Variants in ZFAND5 observed in about 807,000 individuals in gnomAD.
ZFAND5 encodes zinc finger AN1-type containing 5.
ZFAND5 carries 4 observed loss-of-function variants against 23.6 expected under a neutral mutation model. The observed-to-expected ratio is 0.17, with a 90% CI of 0.08 to 0.39. The LOEUF is 0.39. Ranked by LOEUF, ZFAND5 falls within the 10% of genes least tolerant of loss-of-function variation. The pLI, the probability that ZFAND5 is intolerant of heterozygous loss-of-function variation, is 1.00. For missense variants in ZFAND5, 161 were observed against 253.7 expected, an observed-to-expected ratio of 0.63 and a Z score of 2.48; for synonymous variants, 68 against 80.6, an observed-to-expected ratio of 0.84 and a Z score of 0.84.
chr9:72,365,149 C>A lies in ZFAND5; in HGVS notation c.-600G>T, dbSNP rs1842229708. 1 of 152,218 alleles carries A rather than the reference C, an allele frequency of 6.6e-6. No homozygotes were observed. The highest frequency in any genetic ancestry group is 2.4e-5 in the African/African-American group (1 of 41,458). The allele number at this position is 152,218 out of a possible 1,614,324, so 9.4% of individuals were successfully genotyped here. A position where few individuals can be genotyped will look rare whatever the true frequency, so the allele number is the denominator to read the frequency against. On this transcript the variant is annotated 5_prime_UTR_variant, in exon 1 of 7. Transcript: ENST00000376962. ...CCACCGCCGGGGAAGCTGCGCGGCT[C>A]CCGGGAGCGAGCGAGCCCGCGTAGG... is the stretch of plus-strand genomic sequence containing the variant.
chr9:72,360,729 C>T lies in ZFAND5; in HGVS notation c.50G>A (p.Gly17Glu), dbSNP rs377470484. Reference protein sequence around the residue: ...QTPGPMLCSTGCGFYGNPRTN... With the variant: ...QTPGPMLCSTECGFYGNPRTN... ...CCTAGGATTTCCATAAAAGCCACAT[C>T]CTGTGCTACACAGCATGGGCCCCGG... Residue 17 changes from glycine (G) to glutamate (E), a missense_variant, in exon 3 of 7, where the codon GGA (glycine) becomes GAA (glutamate). Coordinates refer to ENST00000376962, the MANE Select transcript of ZFAND5 (RefSeq NM_001102420.3). 6.2e-7 allele frequency: 1 copy of T among 1,613,946 alleles called. No individual in the cohort carries two copies. Among genetic ancestry groups the T allele is most frequent in the African/African-American group, 1.3e-5 (1 of 74,916 alleles).
chr9:72,359,745 A>G (rs1842044732), intron 4 of ZFAND5, among the ~76,000 whole-genome samples: 2 of 152,180 alleles, frequency 1.3e-5, no homozygotes, highest in East Asian at 1.9e-4. Flanking sequence ...ATAGGTTACC[A>G]TATTTTACAA....
At chr9:72,362,061 T>TTTTATC (rs1380181132) in intron 2 of ZFAND5, among the ~76,000 whole-genome samples, 5 of 152,218 alleles carry the variant, frequency 3.3e-5, no homozygotes, top group Admixed American at 3.3e-4. Flanking sequence ...CCCCAAAACA[T>TTTTATC]TTTATCTTCC....
At chr9:72,359,578 T>G in intron 4 of ZFAND5, 57 bp from the exon 5 acceptor site, 1 of 1,449,314 alleles carries the variant, frequency 6.9e-7, no homozygotes, top group Non-Finnish European at 9.5e-7. Flanking sequence ...CTTGAGACAA[T>G]GAATAAGTTG....
chr9:72,362,251 C>G (rs1042337670), intron 2 of ZFAND5, among the ~76,000 whole-genome samples: 2 of 152,166 alleles, frequency 1.3e-5, no homozygotes, highest in African/African-American at 4.8e-5. Context: ...TTCAACATCA[C>G]TTAGGAAGTT....
Position 72,356,346 on chromosome 9 carries a change from C to T in ZFAND5, c.494-245G>A, listed in dbSNP as rs117807235. ...AGAAATTCAAATAACTATGTTCAGT[C>T]TTTCCTTGCAAGGGCAATAGCGAAG... On this transcript the variant is annotated intron_variant, in intron 6 of 6. Transcript: ENST00000376962. 9.0e-3 allele frequency among the ~76,000 whole-genome samples: 1,367 copies of T among 152,290 alleles called. 18 individuals are homozygous for T. The highest frequency in any genetic ancestry group is 0.02 in the Middle Eastern group (6 of 294).
chr9:72,356,123 G>C (rs766223037), intron 6 of ZFAND5, 22 bp from the exon 7 acceptor site: 5 of 1,591,430 alleles, frequency 3.1e-6, no homozygotes, highest in Non-Finnish European at 4.3e-6. Flanking sequence ...AAGAAGTAGA[G>C]TCATTTGAGA....
In ZFAND5 at chr9:72,356,469, C is replaced by T. The variant is rs75963174; in HGVS notation, c.494-368G>A. Among the ~76,000 whole-genome samples the T allele has an allele frequency of 8.4e-3, 1,286 of 152,244 alleles. 19 individuals carry two copies. The highest frequency in any genetic ancestry group is 0.03 in the African/African-American group (1,233 of 41,542). ...CCTCTATCGACTCCTGTAGATGCAA[C>T]GCAGGATAAAATTTACACAGGCTCT... On this transcript the variant is annotated intron_variant, in intron 6 of 6. Coordinates refer to ENST00000376962, the MANE Select transcript of ZFAND5 (RefSeq NM_001102420.3).
chr9:72,357,877 T>C (rs1474890204), intron 5 of ZFAND5, among the ~76,000 whole-genome samples: 1 of 152,092 alleles, frequency 6.6e-6, no homozygotes, highest in Non-Finnish European at 1.5e-5. Context: ...TTTCTCACAA[T>C]GAACAAAAAA....
chr9:72,358,439 C>G (rs1464674478), intron 5 of ZFAND5, among the ~76,000 whole-genome samples: 1 of 152,048 alleles, frequency 6.6e-6, no homozygotes, highest in Non-Finnish European at 1.5e-5. Flanking sequence ...CACAGAATGC[C>G]TACTAAGTAA....
At chr9:72,364,467 T>A in intron 1 of ZFAND5, 1 of 1,279,062 alleles carries the variant, frequency 7.8e-7, no homozygotes, top group Non-Finnish European at 1.0e-6. Context: ...CCGACCGTGC[T>A]GTGGAGCGAG....
rs185394320 is a variant in ZFAND5 at position 72,353,930 on chromosome 9, G to T, written c.*2023C>A. The T allele has an allele frequency of 6.6e-6, 1 of 152,160 alleles. No individual in the cohort carries two copies. Among genetic ancestry groups the T allele is most frequent in the South Asian group, 2.1e-4 (1 of 4,820 alleles). The allele number at this position is 152,160 out of a possible 1,614,324, so 9.4% of individuals were successfully genotyped here. On this transcript the variant is annotated 3_prime_UTR_variant, in exon 7 of 7. Coordinates refer to ENST00000376962, the MANE Select transcript of ZFAND5 (RefSeq NM_001102420.3). ...CAAAGAACTGACAGATAAAACTAGG[G>T]TATTTCCACCCCAAACTCCATCACA...
At chr9:72,363,317 T>G (rs1310838255) in intron 2 of ZFAND5, among the ~76,000 whole-genome samples, 153 bp downstream of exon 2, 1 of 152,208 alleles carries the variant, frequency 6.6e-6, no homozygotes, top group Non-Finnish European at 1.5e-5. Flanking sequence ...TTTATAAAGT[T>G]TATGGCTTCC....
rs566433191 is a variant in ZFAND5, at chr9:72,353,866, A to C, written c.*2087T>G. ...TGTCAGTATAGGAACTTTGACATAC[A>C]TATGTACCTCCCTAACTTGAAGCAA... On this transcript the variant is annotated 3_prime_UTR_variant, in exon 7 of 7. Transcript: ENST00000376962. 5 of 152,208 alleles carry C rather than the reference A, an allele frequency of 3.3e-5. No homozygotes were observed. Among genetic ancestry groups the C allele is most frequent in the Non-Finnish European group, 7.3e-5 (5 of 68,046 alleles). 9.4% of individuals were successfully genotyped at this position (152,208 alleles called of 1,614,324 possible).
Position 72,353,488 on chromosome 9 carries a change from C to G in ZFAND5, c.*2465G>C, listed in dbSNP as rs546823461. On this transcript the variant is annotated 3_prime_UTR_variant, in exon 7 of 7. Transcript: ENST00000376962. ...GTCAGGAGTTCAAGACCAGCCTGAC[C>G]AACATGGAGAAACTGTCTCTATTAA... The G allele has an allele frequency of 1.3e-5, 2 of 152,200 alleles. No individual in the cohort carries two copies. Among genetic ancestry groups the G allele is most frequent in the African/African-American group, 4.8e-5 (2 of 41,442 alleles). The allele number at this position is 152,200 out of a possible 1,614,324, so 9.4% of individuals were successfully genotyped here.
intron 3 of ZFAND5, 113 bp downstream of exon 3, chr9:72,360,515 G>A: frequency 4.3e-6 from 6 of 1,402,576 alleles, no homozygotes; most frequent in Non-Finnish European, 4.9e-6. Context: ...TGAATTTCAA[G>A]CTCTTATCAG....
rs931717569 is a variant in ZFAND5, at chr9:72,353,749, T to C, written c.*2204A>G. 4.6e-5 allele frequency: 7 copies of C among 152,098 alleles called. No individual in the cohort carries two copies. Among genetic ancestry groups the C allele is most frequent in the Non-Finnish European group, 7.3e-5 (5 of 68,032 alleles). The allele number at this position is 152,098 out of a possible 1,614,324, so 9.4% of individuals were successfully genotyped here. On this transcript the variant is annotated 3_prime_UTR_variant, in exon 7 of 7. Transcript: ENST00000376962. ...TCTATACCACTCTTACTTCCATTTT[T>C]AACTTGAAAAATTAAGTTGCCCTTC... is the stretch of plus-strand genomic sequence containing the variant.
chr9:72,362,453 G>C lies in ZFAND5; in HGVS notation c.-10+1017C>G, dbSNP rs576137230. On this transcript the variant is annotated intron_variant, in intron 2 of 6. Coordinates refer to ENST00000376962, the MANE Select transcript of ZFAND5 (RefSeq NM_001102420.3). ...TGCTAGCTTACATTTTCTACACTGA[G>C]GCCCAGTCTCATGTGACATTGGCTT... 2.0e-5 allele frequency among the ~76,000 whole-genome samples: 3 copies of C among 152,262 alleles called. No individual in the cohort carries two copies. The South Asian group carries it at 6.2e-4, about 32-fold the overall frequency.
Position 72,354,836 on chromosome 9 carries a change from T to G in ZFAND5, c.*1117A>C, listed in dbSNP as rs1188584615. The G allele has an allele frequency of 6.6e-6, 1 of 152,612 alleles. No homozygotes were observed. Among genetic ancestry groups the G allele is most frequent in the African/African-American group, 2.4e-5 (1 of 41,438 alleles). 9.5% of individuals were successfully genotyped at this position (152,612 alleles called of 1,614,324 possible). On this transcript the variant is annotated 3_prime_UTR_variant, in exon 7 of 7. Transcript: ENST00000376962. ...CAAGCATCAGTGAAGTATACTGCCT[T>G]TTCTAGTTGTTATTGTACAATGCTG... is the stretch of plus-strand genomic sequence containing the variant.
Sources: gnomAD v4.1 joint callset for allele counts (sites outside exome capture counted in the v4.1 genomes callset) on GRCh38, gnomAD v4.1.1 for gene constraint, MANE v1.5 for transcripts, NCBI Gene and HGNC (gene_info 2026-07-23, HGNC 2026-07-21) for gene names.